Variants in ADGRL2 observed in about 807,000 individuals in gnomAD.
The protein encoded by ADGRL2 is calcium-independent alpha-latrotoxin receptor 2.
A neutral mutation model predicts 157.4 loss-of-function variants in ADGRL2; 44 were observed. The ratio of observed to expected loss-of-function variants is 0.28; its 90% CI spans 0.22 to 0.36. The LOEUF is 0.36. ADGRL2 is among the 10% of genes least tolerant of loss of function. ADGRL2 has a pLI of 1.00. For missense variants in ADGRL2, 1,510 were observed against 1,768.9 expected (o/e 0.85, Z 2.63); for synonymous variants, 585 against 624.7 (o/e 0.94, Z 0.95).
chr1:81,515,733 A>G (rs1018264569), intron 2 of ADGRL2, among the ~76,000 whole-genome samples: 1 of 152,200 alleles, frequency 6.6e-6, no homozygotes, highest in Non-Finnish European at 1.5e-5. Context: ...TACATTTATC[A>G]TATGTCCCTT....
intron 1 of ADGRL2, among the ~76,000 whole-genome samples, chr1:81,339,661 T>C (rs1212991461): frequency 1.3e-5 from 2 of 152,194 alleles, no homozygotes; most frequent in African/African-American, 4.8e-5. Flanking sequence ...CTTGAAACCT[T>C]AGCCTTTTCA....
intron 2 of ADGRL2, among the ~76,000 whole-genome samples, chr1:81,456,232 C>T (rs12135750): frequency 0.29 from 43,264 of 151,692 alleles, 7,643 homozygotes; most frequent in Non-Finnish European, 0.39. Flanking sequence ...CTTCCTTTCT[C>T]TTTTTTTAAG....
Position 81,580,002 on chromosome 1 carries a change from A to G in ADGRL2, c.-247-874A>G, listed in dbSNP as rs11802027. Among the ~76,000 whole-genome samples, 685 of 152,312 alleles carry G rather than the reference A, an allele frequency of 4.5e-3. 6 individuals carry two copies. Among genetic ancestry groups the G allele is most frequent in the African/African-American group, 0.016 (654 of 41,578 alleles). On this transcript the variant is annotated intron_variant, in intron 2 of 24. Coordinates refer to the ADGRL2 transcript ENST00000370721. ...TAAAACTATTCAAACTGCTTAAAATATTTTGTAACCATAAATTATTATCCA... is the reference window on the plus strand; with the variant it reads ...TAAAACTATTCAAACTGCTTAAAATGTTTTGTAACCATAAATTATTATCCA...
intron 1 of ADGRL2, among the ~76,000 whole-genome samples, chr1:81,317,583 G>A (rs779763829): frequency 2.6e-5 from 4 of 152,146 alleles, no homozygotes; most frequent in Non-Finnish European, 2.9e-5. Context: ...GTTAAGATTT[G>A]TTGTTGAATA....
intron 2 of ADGRL2, among the ~76,000 whole-genome samples, chr1:81,786,653 AT>A (rs760556920): frequency 2.0e-5 from 3 of 152,260 alleles, no homozygotes; most frequent in African/African-American, 4.8e-5. Context: ...TGAAGCAAAT[AT>A]TCTTCTTTGA....
chr1:81,973,808 G>A (rs974037153), intron 17 of ADGRL2, among the ~76,000 whole-genome samples: 12 of 152,090 alleles, frequency 7.9e-5, no homozygotes, highest in Non-Finnish European at 1.5e-4. Flanking sequence ...ATTCTCCTGC[G>A]ATTGCTTTGC....
At chr1:81,837,084 T>A (rs764208405) in intron 2 of ADGRL2, 27 bp downstream of exon 2, 1 of 1,404,294 alleles carries the variant, frequency 7.1e-7, no homozygotes, top group Non-Finnish European at 9.8e-7. Flanking sequence ...ATTTTGTTTT[T>A]TAAATCCAGG....
chr1:81,584,903 T>A (rs1309136282), intron 3 of ADGRL2, among the ~76,000 whole-genome samples: 3 of 152,146 alleles, frequency 2.0e-5, no homozygotes, highest in Non-Finnish European at 4.4e-5. Flanking sequence ...CTCTATTTTC[T>A]TGGGGCATTA....
chr1:81,359,658 T>C (rs2075941601), intron 1 of ADGRL2, among the ~76,000 whole-genome samples: 1 of 152,032 alleles, frequency 6.6e-6, no homozygotes, highest in Non-Finnish European at 1.5e-5. Flanking sequence ...CCAGTATTAA[T>C]AGTAACTACA....
At chr1:81,567,045 T>C (rs972040882) in intron 2 of ADGRL2, among the ~76,000 whole-genome samples, 2 of 152,134 alleles carry the variant, frequency 1.3e-5, no homozygotes, top group Admixed American at 1.3e-4. Flanking sequence ...AATTCTCTAG[T>C]ATGCTTAACT....
Position 81,493,769 on chromosome 1 carries a change from G to A in ADGRL2, c.-248+48680G>A, listed in dbSNP as rs149032374. On this transcript the variant is annotated intron_variant, in intron 2 of 24. Transcript: ENST00000370721. ...GAAAAAAATTCGATTTACAAGGCAGGAGGGAGTGGTCAGTGGTTACTTGCA... is the reference window on the plus strand; with the variant it reads ...GAAAAAAATTCGATTTACAAGGCAGAAGGGAGTGGTCAGTGGTTACTTGCA... Among the ~76,000 whole-genome samples, 31 of 152,250 alleles carry A rather than the reference G, an allele frequency of 2.0e-4. No homozygotes were observed. The East Asian group carries it at 5.8e-3, about 28-fold the overall frequency.
intron 3 of ADGRL2, among the ~76,000 whole-genome samples, chr1:81,692,751 AT>A (rs1197017104): frequency 6.6e-6 from 1 of 152,158 alleles, no homozygotes; most frequent in South Asian, 2.1e-4. Flanking sequence ...AGTAATAGGC[AT>A]TTTTTGCCAG....
intron 11 of ADGRL2, among the ~76,000 whole-genome samples, chr1:81,957,047 T>C (rs1653730569): frequency 6.6e-6 from 1 of 152,168 alleles, no homozygotes; most frequent in Non-Finnish European, 1.5e-5. Flanking sequence ...TTTATATAAG[T>C]GAATTTTTAA....
rs548031419 is a variant in ADGRL2, at chr1:81,559,449, GT to G, written c.-247-21414del. Among the ~76,000 whole-genome samples, 1,266 of 140,422 alleles carry G rather than the reference GT, an allele frequency of 9.0e-3. 6 individuals carry two copies. Among genetic ancestry groups the G allele is most frequent in the African/African-American group, 0.019 (740 of 38,664 alleles). 92.1% of individuals were successfully genotyped at this position (140,422 alleles called of 152,430 possible). On this transcript the variant is annotated intron_variant, in intron 2 of 24. Coordinates refer to the ADGRL2 transcript ENST00000370721. Reference sequence around the variant, plus strand: ...CTGTGCCCAATAAGCTATGCTCCATGTTTTTTTTTTTTTAATGTTCCTACCA... The same window carrying G: ...CTGTGCCCAATAAGCTATGCTCCATGTTTTTTTTTTTTAATGTTCCTACCA...
chr1:81,943,707 T>C lies in ADGRL2; in HGVS notation c.1148T>C (p.Val383Ala). 1 of 1,613,640 alleles carries C rather than the reference T, an allele frequency of 6.2e-7. No individual in the cohort carries two copies. Among genetic ancestry groups the C allele is most frequent in the Non-Finnish European group, 8.5e-7 (1 of 1,179,630 alleles). ...DYNPRDNQLY[V>A]WNNNFILRYS... Reference sequence around the variant, plus strand: ...AATCCAAGAGATAACCAACTTTACGTGTGGAACAATAACTTCATTTTACGA... The same window carrying C: ...AATCCAAGAGATAACCAACTTTACGCGTGGAACAATAACTTCATTTTACGA... The change falls in exon 6 of 24, where the codon GTG becomes GCG. Residue 383 changes from valine (V) to alanine (A), a missense_variant. Coordinates refer to ENST00000686636, the MANE Select transcript of ADGRL2 (RefSeq NM_001366006.2). The surrounding 1 kb of genome is among the most constrained non-coding windows in gnomAD (Gnocchi z 5.6).
intron 2 of ADGRL2, among the ~76,000 whole-genome samples, chr1:81,876,294 T>A (rs1358218148): frequency 6.6e-6 from 1 of 152,156 alleles, no homozygotes; most frequent in African/African-American, 2.4e-5. Context: ...TTAAATACCT[T>A]TTATCATTTA....
intron 21 of ADGRL2, among the ~76,000 whole-genome samples, 167 bp from the exon 22 acceptor site, chr1:81,986,734 A>G (rs932029732): frequency 1.3e-5 from 2 of 152,052 alleles, no homozygotes; most frequent in Admixed American, 6.6e-5. Context: ...CTCTCCTGCA[A>G]ATTAGTAGTT....
intron 2 of ADGRL2, chr1:81,501,844 T>C (rs1159372296): frequency 5.6e-6 from 9 of 1,595,012 alleles, no homozygotes; most frequent in Admixed American, 3.5e-5. Flanking sequence ...CACACCTGGC[T>C]CCTCTGCAGA....
At chr1:81,414,961 C>T (rs1207670647) in intron 1 of ADGRL2, among the ~76,000 whole-genome samples, 3 of 152,166 alleles carry the variant, frequency 2.0e-5, no homozygotes, top group African/African-American at 7.2e-5. Flanking sequence ...TCTGGTTATT[C>T]ATAAGACACC....
Sources: gnomAD v4.1 joint callset for allele counts (sites outside exome capture counted in the v4.1 genomes callset) on GRCh38, gnomAD v4.1.1 for gene constraint, Gnocchi (gnomAD v3.1) non-coding constraint, MANE v1.5 for transcripts, NCBI Gene and HGNC (gene_info 2026-07-23, HGNC 2026-07-21) for gene names.